DNAJB2: variants seen among roughly 807,000 people sequenced by gnomAD.
DNAJB2 encodes dnaJ homolog subfamily B member 2.
Under a neutral mutation model 33.3 loss-of-function variants are expected in DNAJB2, and 19 were observed. That is an observed-to-expected ratio of 0.57 (90% CI 0.40 to 0.84). The LOEUF (loss-of-function observed/expected upper bound fraction) is 0.84, where lower values mean the gene tolerates loss of function less well. Ranked by LOEUF, DNAJB2 falls within the 40% of genes least tolerant of loss-of-function variation. The pLI is 0.00. For synonymous variants in DNAJB2, 172 were observed against 164.6 expected (o/e 1.04, Z -0.34); for missense variants, 368 against 430.9 (o/e 0.85, Z 1.29).
chr2:219,285,479 CCGTCT>C lies in DNAJB2; in HGVS notation c.*494_*498del, dbSNP rs879091577. The C allele has an allele frequency of 1.6e-4, 159 of 1,007,358 alleles. No individual in the cohort carries two copies. In the South Asian group the frequency reaches 4.7e-3, roughly 30 times the overall value. The allele number at this position is 1,007,358 out of a possible 1,614,324, so 62.4% of individuals were successfully genotyped here. A position where few individuals can be genotyped will look rare whatever the true frequency, so the allele number is the denominator to read the frequency against. On this transcript the variant is annotated 3_prime_UTR_variant, in exon 9 of 9. Coordinates refer to ENST00000336576, the MANE Select transcript of DNAJB2 (RefSeq NM_006736.6). ...GTTTCTGTGCCATGTTGCGCTCTGA[CCGTCT>C]CTGTTGCTTCTCTTCTGGTGTTGCT...
Position 219,279,685 on chromosome 2 carries a change from C to G in DNAJB2, c.-36-113C>G, listed in dbSNP as rs540698230. On this transcript the variant is annotated intron_variant, in intron 1 of 8. Coordinates refer to ENST00000336576, the MANE Select transcript of DNAJB2 (RefSeq NM_006736.6). This position sits in a 1 kb window ranked among gnomAD's most constrained non-coding sequence, Gnocchi z 4.9. Reference sequence around the variant, plus strand: ...CCTAGTCACCGGCCGCAAGCAGAGCCCGGTGTGCTCCGCTTCCAACTGGGA... The same window carrying G: ...CCTAGTCACCGGCCGCAAGCAGAGCGCGGTGTGCTCCGCTTCCAACTGGGA... 1.3e-6 allele frequency: 1 copy of G among 767,348 alleles called. No individual in the cohort carries two copies. The highest frequency in any genetic ancestry group is 1.7e-5 in the South Asian group (1 of 58,150). 47.5% of individuals were successfully genotyped at this position (767,348 alleles called of 1,614,324 possible).
intron 8 of DNAJB2, 117 bp from the exon 9 acceptor site, chr2:219,284,515 T>G: frequency 2.3e-6 from 3 of 1,313,918 alleles, no homozygotes; most frequent in Non-Finnish European, 3.1e-6. Context: ...CCAAAATGCA[T>G]GTGTGCCAAT....
chr2:219,280,258 G>A (rs1951892236), intron 2 of DNAJB2: 1 of 520,024 alleles, frequency 1.9e-6, no homozygotes, highest in East Asian at 3.3e-5. Context: ...TCTATGAGGA[G>A]GAGGGGCCGG....
At position 219,286,229 on chromosome 2, in the gene DNAJB2, G is replaced by T; in HGVS notation, c.*1242G>T. The T allele has an allele frequency of 1.9e-6, 1 of 538,784 alleles. No homozygotes were observed. The highest frequency in any genetic ancestry group is 3.3e-6 in the Non-Finnish European group (1 of 306,582). The allele number at this position is 538,784 out of a possible 1,614,324, so 33.4% of individuals were successfully genotyped here. On this transcript the variant is annotated 3_prime_UTR_variant, in exon 9 of 9. Transcript: ENST00000336576. ...GACTACAAATCCCAGAGTGCGGTGT[G>T]CCCGGCCTCATTTCTGATAGATCCC...
chr2:219,282,427 C>T (rs1368391509), intron 5 of DNAJB2: 6 of 351,528 alleles, frequency 1.7e-5, no homozygotes, highest in East Asian at 6.1e-5. Context: ...TTTTACATTT[C>T]GTAAGTCTCT....
In DNAJB2 at chr2:219,282,900, C is replaced by T. The variant is rs777251244; in HGVS notation, c.416C>T (p.Thr139Ile). The T allele has an allele frequency of 2.5e-6, 4 of 1,605,686 alleles. No individual in the cohort carries two copies. In the African/African-American group the frequency reaches 4.0e-5, roughly 16 times the overall value. The change falls in exon 6 of 9, where the codon ACC becomes ATC. Residue 139 changes from threonine to isoleucine, a missense_variant. By Grantham distance (89) the Thr-to-Ile change is moderately conservative. Coordinates refer to ENST00000336576, the MANE Select transcript of DNAJB2 (RefSeq NM_006736.6). ...TCCCGACACTCAGGCCCCTTCTTTA[C>T]CTTCTCTTCCTCCTTCCCTGGGCAC... Reference protein sequence around the residue: ...RGSRHSGPFFTFSSSFPGHSD... With the variant: ...RGSRHSGPFFIFSSSFPGHSD...
intron 2 of DNAJB2, chr2:219,280,208 C>T: frequency 1.9e-6 from 1 of 520,566 alleles, no homozygotes; most frequent in Non-Finnish European, 3.4e-6. Flanking sequence ...TAGATTTGGG[C>T]ATTCTCAGGC....
rs1951938896 is a variant in DNAJB2, at chr2:219,284,775, C to T, written c.763C>T (p.Leu255=). Residue 255 remains leucine, a synonymous_variant, in exon 9 of 9, where the codon CTG becomes TTG. Transcript: ENST00000336576. ...LDSDLSEDED[L]QLAMAYSLSE... Reference sequence around the variant, plus strand: ...CAGCGACCTCTCTGAGGATGAGGACCTGCAGCTGGCCATGGCCTACAGCCT... The same window carrying T: ...CAGCGACCTCTCTGAGGATGAGGACTTGCAGCTGGCCATGGCCTACAGCCT... 2.5e-6 allele frequency: 4 copies of T among 1,613,244 alleles called. No homozygotes were observed. Among genetic ancestry groups the T allele is most frequent in the Non-Finnish European group, 3.4e-6 (4 of 1,179,886 alleles).
Position 219,284,738 on chromosome 2 carries a change from A to G in DNAJB2, c.726A>G (p.Ser242=). The G allele has an allele frequency of 6.2e-7, 1 of 1,613,596 alleles. No homozygotes were observed. ...CTCAGGTCCAGCAGACCCCTGCCTCATGCCCCTTGGACAGCGACCTCTCTG... is the reference window on the plus strand; with the variant it reads ...CTCAGGTCCAGCAGACCCCTGCCTCGTGCCCCTTGGACAGCGACCTCTCTG... ...GGTQVQQTPA[S]CPLDSDLSED... Residue 242 remains serine (S), a synonymous_variant, in exon 9 of 9, where the codon TCA becomes TCG. Coordinates refer to ENST00000336576, the MANE Select transcript of DNAJB2 (RefSeq NM_006736.6).
In DNAJB2 at chr2:219,284,747, G is replaced by A. The variant is rs1951938473; in HGVS notation, c.735G>A (p.Leu245=). ...AGCAGACCCCTGCCTCATGCCCCTTGGACAGCGACCTCTCTGAGGATGAGG... is the reference window on the plus strand; with the variant it reads ...AGCAGACCCCTGCCTCATGCCCCTTAGACAGCGACCTCTCTGAGGATGAGG... ...QVQQTPASCP[L]DSDLSEDEDL... Residue 245 remains leucine (L), a synonymous_variant, in exon 9 of 9, where the codon TTG becomes TTA. Transcript: ENST00000336576. The A allele has an allele frequency of 6.2e-7, 1 of 1,613,590 alleles. No individual in the cohort carries two copies.
In DNAJB2 at chr2:219,285,026, G is replaced by C. The variant is rs1951942558; in HGVS notation, c.*39G>C. On this transcript the variant is annotated 3_prime_UTR_variant, in exon 9 of 9. Coordinates refer to ENST00000336576, the MANE Select transcript of DNAJB2 (RefSeq NM_006736.6). Reference sequence around the variant, plus strand: ...CCTGATCTGATCCAGATCTTGACTGGGGGGTCTGACTCACTGTGGGAAGAG... The same window carrying C: ...CCTGATCTGATCCAGATCTTGACTGCGGGGTCTGACTCACTGTGGGAAGAG... 6.9e-7 allele frequency: 1 copy of C among 1,449,410 alleles called. No individual in the cohort carries two copies. The allele number at this position is 1,449,410 out of a possible 1,614,324, so 89.8% of individuals were successfully genotyped here.
chr2:219,282,654 A>G, intron 5 of DNAJB2, 183 bp from the exon 6 acceptor site: 1 of 540,676 alleles, frequency 1.8e-6, no homozygotes, highest in South Asian at 3.1e-5. Flanking sequence ...TGTGGACAGA[A>G]TTAACCAGTG....
Position 219,282,042 on chromosome 2 carries a change from C to T in DNAJB2, c.333C>T (p.Asp111=). 6.2e-7 allele frequency: 1 copy of T among 1,614,174 alleles called. No individual in the cohort carries two copies. The highest frequency in any genetic ancestry group is 1.6e-4 in the Middle Eastern group (1 of 6,062). The part of the protein sequence containing the change: ...EVFREFFGSG[D]PFAELFDDLG... The stretch of plus-strand genomic sequence containing the variant: ...TCCGGGAATTCTTTGGGAGTGGAGA[C>T]CCTTTTGCAGAGCTCTTTGGTGAGT... The change falls in exon 5 of 9, where the codon GAC becomes GAT. Residue 111 remains aspartate (D), a synonymous_variant. Transcript: ENST00000336576.
At chr2:219,282,977 C>A in intron 6 of DNAJB2, 48 bp downstream of exon 6, 1 of 1,565,980 alleles carries the variant, frequency 6.4e-7, no homozygotes, top group Non-Finnish European at 8.7e-7. Context: ...TCCTGGAACC[C>A]CTGGCTTGAG....
chr2:219,281,645 C>T, intron 3 of DNAJB2, 73 bp from the exon 4 acceptor site: 1 of 1,599,894 alleles, frequency 6.3e-7, no homozygotes, highest in South Asian at 1.1e-5. Flanking sequence ...TCTGGACAAT[C>T]CTTTGAACGT....
chr2:219,283,964 G>A (rs1266342738), intron 8 of DNAJB2, among the ~76,000 whole-genome samples: 2 of 152,196 alleles, frequency 1.3e-5, no homozygotes, highest in Admixed American at 1.3e-4. Flanking sequence ...ACACCATGCT[G>A]TGCAGGGCCG....
At chr2:219,280,086 A>C (rs1027503516) in intron 2 of DNAJB2, 188 bp downstream of exon 2, 2 of 617,928 alleles carry the variant, frequency 3.2e-6, no homozygotes, top group Admixed American at 5.9e-5. Flanking sequence ...ACGTCCAGAG[A>C]GTGAAGTAGT....
At position 219,286,045 on chromosome 2, in the gene DNAJB2, G is replaced by T. The variant is rs759574963; in HGVS notation, c.*1058G>T. 1.1e-5 allele frequency: 18 copies of T among 1,574,682 alleles called. No homozygotes were observed. Among genetic ancestry groups the T allele is most frequent in the Non-Finnish European group, 1.5e-5 (17 of 1,157,960 alleles). On this transcript the variant is annotated 3_prime_UTR_variant, in exon 9 of 9. Transcript: ENST00000336576. The stretch of plus-strand genomic sequence containing the variant: ...CGCTGCACAGTTCCAACAGGACAGC[G>T]CCTTCCCCCATGCGCTGGGAGGGGA...
At chr2:219,283,712 A>C (rs1241405041) in intron 8 of DNAJB2, among the ~76,000 whole-genome samples, 2 of 152,188 alleles carry the variant, frequency 1.3e-5, no homozygotes, top group Non-Finnish European at 2.9e-5. Context: ...TTTGCAAAGC[A>C]CTTTACTATT....
Sources: gnomAD v4.1 joint callset for allele counts (sites outside exome capture counted in the v4.1 genomes callset) on GRCh38, gnomAD v4.1.1 for gene constraint, Gnocchi (gnomAD v3.1) non-coding constraint, MANE v1.5 for transcripts, NCBI Gene and HGNC (gene_info 2026-07-23, HGNC 2026-07-21) for gene names.